Variants in KIR3DL1 observed in about 807,000 individuals in gnomAD.
KIR3DL1 encodes killer cell immunoglobulin like receptor, three Ig domains and long cytoplasmic tail 1.
A neutral mutation model predicts 40.3 loss-of-function variants in KIR3DL1; 50 were observed. The ratio of observed to expected loss-of-function variants is 1.24; its 90% CI spans 0.99 to 1.57. The LOEUF is 1.57. KIR3DL1 is among the 40% of genes most tolerant of loss of function. KIR3DL1 has a pLI of 0.00. For synonymous variants in KIR3DL1, 257 were observed against 207.2 expected, an observed-to-expected ratio of 1.24 and a Z score of -2.07; for missense variants, 661 against 559.9, an observed-to-expected ratio of 1.18 and a Z score of -1.82.
rs537392479 is a variant in KIR3DL1 at position 54,824,551 on chromosome 19, C to T, written c.950-477C>T. 2.4e-4 allele frequency among the ~76,000 whole-genome samples: 36 copies of T among 151,316 alleles called. 2 individuals are homozygous for T. In the South Asian group the frequency reaches 4.5e-3, roughly 19 times the overall value. On this transcript the variant is annotated intron_variant, in intron 5 of 8. Transcript: ENST00000391728. ...AATTAGCTGAGCATGGTGACCAGTG[C>T]CTGTAATACCACTACTCGGGTGTTT...
rs868388946 is a variant in KIR3DL1 at position 54,824,905 on chromosome 19, C to G, written c.950-123C>G. ...CACAAAAATTATGGAGAAGAGGATCCCAAGACTCCCAGGGTCCAACATTAG... is the reference window on the plus strand; with the variant it reads ...CACAAAAATTATGGAGAAGAGGATCGCAAGACTCCCAGGGTCCAACATTAG... On this transcript the variant is annotated intron_variant, in intron 5 of 8. Coordinates refer to ENST00000391728, the Ensembl canonical transcript of KIR3DL1. 1.0e-5 allele frequency: 10 copies of G among 991,106 alleles called. 1 individual carries two copies. The Middle Eastern group carries it at 1.9e-3, about 192-fold the overall frequency. The allele number at this position is 991,106 out of a possible 1,614,324, so 61.4% of individuals were successfully genotyped here.
chr19:54,825,956 C>G (rs2061865629), intron 6 of KIR3DL1, among the ~76,000 whole-genome samples: 1 of 151,296 alleles, frequency 6.6e-6, no homozygotes, highest in South Asian at 2.1e-4. Context: ...CTTTTGAAAA[C>G]TTGGGGATTC....
In KIR3DL1 at chr19:54,821,627, G is replaced by A. The variant is rs371275254; in HGVS notation, c.718G>A (p.Val240Met). Residue 240 changes from valine to methionine, a missense_variant, in exon 5 of 9, where the codon GTG (valine) becomes ATG (methionine). By Grantham distance (21) the Val-to-Met change is conservative. Around this residue, in one of 3 missense-constraint regions of KIR3DL1, gnomAD observed 548 missense variants for 413.3 expected, o/e 1.33. Transcript: ENST00000391728. ...CCCCAAGGTTCAGGCAGGAGAGAGC[G>A]TGACCTTGTCCTGTAGCTCCCGGAG... 60 of 1,609,192 alleles carry A rather than the reference G, an allele frequency of 3.7e-5. 2 individuals carry two copies. In the African/African-American group the frequency reaches 5.2e-4, roughly 14 times the overall value.
intron 4 of KIR3DL1, among the ~76,000 whole-genome samples, chr19:54,820,225 G>A (rs567177854): frequency 6.6e-6 from 1 of 151,486 alleles, no homozygotes; most frequent in South Asian, 2.1e-4. Context: ...GGGCCATACA[G>A]GGAGGTAGAA....
chr19:54,830,366 A>C, exon 9 of KIR3DL1: 1 of 1,355,290 alleles, frequency 7.4e-7, no homozygotes, highest in Non-Finnish European at 1.0e-6. Context: ...CAGCAGCTGG[A>C]ATCTGAAGGC....
Position 54,816,524 on chromosome 19 carries a change from G to A in KIR3DL1, c.24G>A (p.Met8Ile), listed in dbSNP as rs1386915612. The A allele has an allele frequency of 4.7e-5, 75 of 1,608,322 alleles. 3 individuals carry two copies. In the Admixed American group the frequency reaches 1.2e-3, roughly 25 times the overall value. ...CCATGTCGCTCATGGTCGTCAGCAT[G>A]GCGTGTGTTGGTGAGTCCTGGAAGG... Residue 8 changes from methionine to isoleucine, a missense_variant, in exon 1 of 9, where the codon ATG becomes ATA. Physicochemically the swap from Met to Ile is conservative, Grantham distance 10. Coordinates refer to ENST00000391728, the Ensembl canonical transcript of KIR3DL1.
At chr19:54,817,882 C>T (rs1411705005) in intron 2 of KIR3DL1, among the ~76,000 whole-genome samples, 1 of 147,342 alleles carries the variant, frequency 6.8e-6, no homozygotes, top group Admixed American at 6.8e-5. Context: ...TAACTCACAC[C>T]CTCCAGCGTT....
At chr19:54,817,545 G>C (rs2061412121) in exon 2 of KIR3DL1, 2 of 1,511,496 alleles carry the variant, frequency 1.3e-6, no homozygotes, top group Non-Finnish European at 1.8e-6. Flanking sequence ...GTTGTTCTTG[G>C]TCCAGAGGGC....
chr19:54,818,216 G>A (rs1165338143), intron 2 of KIR3DL1, 99 bp from the exon 3 acceptor site: 1 of 1,342,838 alleles, frequency 7.4e-7, no homozygotes, highest in African/African-American at 1.6e-5. Context: ...GGTGTGGTAG[G>A]AGCCTTAGAA....
intron 3 of KIR3DL1, among the ~76,000 whole-genome samples, chr19:54,819,068 G>C (rs1272630107): frequency 2.0e-5 from 3 of 151,270 alleles, no homozygotes; most frequent in Non-Finnish European, 4.4e-5. Flanking sequence ...GAGAAGTCAA[G>C]AGAACTGATT....
At position 54,821,717 on chromosome 19, in the gene KIR3DL1, C is replaced by T. The variant is rs374761764; in HGVS notation, c.808C>T (p.Arg270Cys). Reference sequence around the variant, plus strand: ...CCATGAACGTAGGCTCCCTGCAGTGCGCAAGGTCAACAGAACATTCCAGGC... The same window carrying T: ...CCATGAACGTAGGCTCCCTGCAGTGTGCAAGGTCAACAGAACATTCCAGGC... Residue 270 changes from arginine (R) to cysteine (C), a missense_variant, in exon 5 of 9, where the codon CGC becomes TGC. Arg to Cys is a radical substitution (Grantham distance 180). Transcript: ENST00000391728. 3.3e-5 allele frequency: 53 copies of T among 1,608,780 alleles called. No individual in the cohort carries two copies. The highest frequency in any genetic ancestry group is 8.1e-5 in the African/African-American group (6 of 74,220).
intron 6 of KIR3DL1, among the ~76,000 whole-genome samples, chr19:54,826,876 G>A (rs1237474437): frequency 6.6e-6 from 1 of 151,796 alleles, no homozygotes; most frequent in Non-Finnish European, 1.5e-5. Flanking sequence ...GAGAGACGGA[G>A]AGCACACTGG....
intron 4 of KIR3DL1, among the ~76,000 whole-genome samples, chr19:54,820,518 C>T (rs1194776411): frequency 6.6e-6 from 1 of 151,386 alleles, no homozygotes; most frequent in Non-Finnish European, 1.5e-5. Context: ...TATCATGGCC[C>T]CTGAACACCA....
chr19:54,830,324 G>T (rs777931732), exon 9 of KIR3DL1: 1 of 1,498,466 alleles, frequency 6.7e-7, no homozygotes. Flanking sequence ...CAACAGCCCT[G>T]TCTCAAAACC....
At chr19:54,823,333 A>T (rs1449712499) in intron 5 of KIR3DL1, among the ~76,000 whole-genome samples, 1 of 151,128 alleles carries the variant, frequency 6.6e-6, no homozygotes, top group African/African-American at 2.4e-5. Context: ...CACTATGCCC[A>T]GCCTCCTTTT....
chr19:54,821,954 G>C, intron 5 of KIR3DL1, 96 bp downstream of exon 5: 1 of 1,413,836 alleles, frequency 7.1e-7, no homozygotes, highest in East Asian at 2.3e-5. Flanking sequence ...GACAGATGCA[G>C]AGAGAAGACA....
In KIR3DL1 at chr19:54,820,711, T is replaced by G. The variant is rs530072646; in HGVS notation, c.655+699T>G. Among the ~76,000 whole-genome samples, 26 of 149,372 alleles carry G rather than the reference T, an allele frequency of 1.7e-4. 2 individuals are homozygous for G. Among genetic ancestry groups the G allele is most frequent in the African/African-American group, 5.7e-4 (23 of 40,312 alleles). The stretch of plus-strand genomic sequence containing the variant: ...GGAGATTAAGAGATTCACAGACACA[T>G]AAAAAGAAAGAAAAGAGGGCAGAAT... On this transcript the variant is annotated intron_variant, in intron 4 of 8. Transcript: ENST00000391728.
exon 3 of KIR3DL1, chr19:54,818,446 A>G (rs643347): frequency 0.55 from 874,122 of 1,588,804 alleles, 251,511 homozygotes; most frequent in East Asian, 0.81. Flanking sequence ...CAGAATCCAC[A>G]TTCCCATCTT....
Position 54,825,690 on chromosome 19 carries a change from G to C in KIR3DL1, c.1000+612G>C, listed in dbSNP as rs1332196624. ...GGTTTTTTAATTATCTTACAGTGCT[G>C]TAGCTCAAAGTAGGAAGTGCATCTT... On this transcript the variant is annotated intron_variant, in intron 6 of 8. Coordinates refer to ENST00000391728, the Ensembl canonical transcript of KIR3DL1. Among the ~76,000 whole-genome samples, 131 of 148,278 alleles carry C rather than the reference G, an allele frequency of 8.8e-4. 1 individual carries two copies. The highest frequency in any genetic ancestry group is 3.4e-3 in the Middle Eastern group (1 of 294).
Sources: allele counts gnomAD v4.1 joint callset (sites outside exome capture counted in the v4.1 genomes callset), GRCh38; gene constraint gnomAD v4.1.1; regional missense constraint gnomAD v4.1.1; transcripts MANE v1.5; gene names NCBI Gene and HGNC (gene_info 2026-07-23, HGNC 2026-07-21).